Variants in ADGRB3 observed in about 807,000 individuals in gnomAD.
ADGRB3 encodes adhesion G protein-coupled receptor B3.
In ADGRB3, 37 loss-of-function variants were observed where a neutral mutation model predicts 193.4. The ratio of observed to expected loss-of-function variants is 0.19; its 90% confidence interval spans 0.15 to 0.25. The LOEUF (loss-of-function observed/expected upper bound fraction) is 0.25. Ranked by LOEUF, ADGRB3 falls within the 10% of genes least tolerant of loss-of-function variation. The probability of loss-of-function intolerance (pLI) is 1.00; values close to 1 mark genes in which losing one functional copy is unlikely to be tolerated. For missense variants in ADGRB3, 1,637 were observed against 1,852.9 expected, an observed-to-expected ratio of 0.88 and a Z score of 2.14; for synonymous variants, 690 against 644.2, an observed-to-expected ratio of 1.07 and a Z score of -1.08.
intron 20 of ADGRB3, among the ~76,000 whole-genome samples, chr6:69,240,256 A>G (rs1561963217): frequency 6.6e-6 from 1 of 152,016 alleles, no homozygotes; most frequent in East Asian, 1.9e-4. Flanking sequence ...ATTCTGATAA[A>G]TGTTTCTTCT....
At chr6:68,914,765 G>A (rs976292018) in intron 3 of ADGRB3, among the ~76,000 whole-genome samples, 5 of 152,176 alleles carry the variant, frequency 3.3e-5, no homozygotes, top group South Asian at 2.1e-4. Flanking sequence ...AAATGTTAGA[G>A]AGGAAGCAGT....
intron 3 of ADGRB3, among the ~76,000 whole-genome samples, chr6:68,846,649 G>A (rs1768281595): frequency 6.6e-6 from 1 of 152,244 alleles, no homozygotes; most frequent in Non-Finnish European, 1.5e-5. Flanking sequence ...GCCTGCAGGG[G>A]CACAGAAGTC....
intron 17 of ADGRB3, among the ~76,000 whole-genome samples, chr6:69,142,007 T>G (rs1774356747): frequency 6.6e-6 from 1 of 152,146 alleles, no homozygotes; most frequent in Non-Finnish European, 1.5e-5. Flanking sequence ...AGACCAGAAA[T>G]TAATATTGAT....
At chr6:68,808,075 T>C (rs111476735) in intron 3 of ADGRB3, among the ~76,000 whole-genome samples, 9 of 152,284 alleles carry the variant, frequency 5.9e-5, no homozygotes, top group African/African-American at 2.2e-4. Flanking sequence ...GTCAAATGGA[T>C]CCAATTTCCT....
At chr6:69,285,099 T>C (rs1767520375) in intron 20 of ADGRB3, among the ~76,000 whole-genome samples, 1 of 152,206 alleles carries the variant, frequency 6.6e-6, no homozygotes, top group Non-Finnish European at 1.5e-5. Context: ...TTCAGGTTTG[T>C]TTGTCTAAGA....
chr6:69,053,983 G>T (rs894635165), intron 15 of ADGRB3, among the ~76,000 whole-genome samples: 6 of 152,202 alleles, frequency 3.9e-5, no homozygotes, highest in Admixed American at 3.9e-4. Context: ...GGAAAGCCAT[G>T]AAAGTTCTGA....
chr6:68,842,284 C>A (rs1256420056), intron 3 of ADGRB3, among the ~76,000 whole-genome samples: 1 of 150,742 alleles, frequency 6.6e-6, no homozygotes, highest in African/African-American at 2.4e-5. Context: ...TTTAGCCAGG[C>A]TAACTAAAAA....
At chr6:68,869,931 A>G (rs1028610596) in intron 3 of ADGRB3, among the ~76,000 whole-genome samples, 3 of 152,242 alleles carry the variant, frequency 2.0e-5, no homozygotes, top group South Asian at 2.1e-4. Flanking sequence ...GGCACAGGCC[A>G]CCATGCCTGG....
chr6:68,669,544 T>G (rs1768890771), intron 3 of ADGRB3, among the ~76,000 whole-genome samples: 1 of 151,668 alleles, frequency 6.6e-6, no homozygotes, highest in South Asian at 2.1e-4. Context: ...TGATCTCCAG[T>G]CTCACCCACG....
intron 10 of ADGRB3, among the ~76,000 whole-genome samples, chr6:68,977,904 C>T (rs1469660249): frequency 6.7e-6 from 1 of 148,372 alleles, no homozygotes; most frequent in African/African-American, 2.4e-5. Flanking sequence ...TGTTCCAAAA[C>T]CTAATCTCTT....
chr6:68,677,428 C>T (rs567476540), intron 3 of ADGRB3, among the ~76,000 whole-genome samples: 1 of 151,550 alleles, frequency 6.6e-6, no homozygotes, highest in Non-Finnish European at 1.5e-5. Context: ...ATTATACAGT[C>T]TTTCTTTCCC....
chr6:68,974,893 A>G (rs748757515), intron 9 of ADGRB3, 29 bp downstream of exon 9: 1 of 1,564,146 alleles, frequency 6.4e-7, no homozygotes, highest in Non-Finnish European at 8.8e-7. Context: ...CCCAAACCCT[A>G]GTGATAATCC....
intron 3 of ADGRB3, among the ~76,000 whole-genome samples, chr6:68,696,634 C>G (rs1250336756): frequency 6.6e-6 from 1 of 151,624 alleles, no homozygotes; most frequent in Non-Finnish European, 1.5e-5. Context: ...CATTATATGA[C>G]AAATTTATAT....
intron 17 of ADGRB3, chr6:69,233,037 C>T: frequency 3.9e-6 from 2 of 518,462 alleles, no homozygotes; most frequent in Non-Finnish European, 6.8e-6. Context: ...CAGAGCTAGT[C>T]CCGGTTTCAG....
intron 8 of ADGRB3, among the ~76,000 whole-genome samples, chr6:68,965,943 G>A (rs893912301): frequency 1.3e-5 from 2 of 152,076 alleles, no homozygotes; most frequent in African/African-American, 4.8e-5. Context: ...TCTATCTCTA[G>A]CTTGTTTTCT....
At chr6:69,090,288 CTGT>C (rs1376268814) in intron 17 of ADGRB3, among the ~76,000 whole-genome samples, 6 of 152,150 alleles carry the variant, frequency 3.9e-5, no homozygotes, top group Admixed American at 1.3e-4. Flanking sequence ...GGGACCTTGT[CTGT>C]TGTTGAGCCT....
intron 3 of ADGRB3, among the ~76,000 whole-genome samples, chr6:68,695,118 T>C (rs1220730269): frequency 2.0e-5 from 3 of 152,082 alleles, no homozygotes; most frequent in Non-Finnish European, 4.4e-5. Context: ...TATTCAGTTT[T>C]AATTATTTTA....
At chr6:69,005,779 C>T (rs143003477) in intron 11 of ADGRB3, among the ~76,000 whole-genome samples, 5 of 152,256 alleles carry the variant, frequency 3.3e-5, no homozygotes, top group African/African-American at 9.6e-5. Context: ...CACTATTGAC[C>T]TTGATATCCT....
intron 3 of ADGRB3, among the ~76,000 whole-genome samples, chr6:68,867,899 C>G (rs1304166013): frequency 1.3e-5 from 2 of 152,182 alleles, no homozygotes; most frequent in African/African-American, 4.8e-5. Flanking sequence ...GCCTGTACTC[C>G]CACTGTTTCT....
Sources: gnomAD v4.1 joint callset for allele counts (sites outside exome capture counted in the v4.1 genomes callset) on GRCh38, gnomAD v4.1.1 for gene constraint, MANE v1.5 for transcripts, NCBI Gene and HGNC (gene_info 2026-07-23, HGNC 2026-07-21) for gene names.